The following PDE8B variants were observed in gnomAD, a reference collection of about 807,000 sequenced individuals.
PDE8B encodes the protein phosphodiesterase 8B.
A neutral mutation model predicts 101.3 loss-of-function variants in PDE8B; 26 were observed. That is an observed-to-expected ratio of 0.26 (90% CI 0.19 to 0.36). The LOEUF (loss-of-function observed/expected upper bound fraction) is 0.36, where lower values mean the gene tolerates loss of function less well. Among genes scored for constraint, PDE8B ranks in the 10% least tolerant of loss-of-function variants. PDE8B has a pLI of 1.00. For missense variants in PDE8B, 810 were observed against 1,163.1 expected, an observed-to-expected ratio of 0.70 and a Z score of 4.42; for synonymous variants, 424 against 429.3, an observed-to-expected ratio of 0.99 and a Z score of 0.15.
intron 1 of PDE8B, among the ~76,000 whole-genome samples, chr5:77,222,386 G>C (rs1330318312): frequency 1.3e-5 from 2 of 152,186 alleles, no homozygotes; most frequent in Non-Finnish European, 2.9e-5. Flanking sequence ...CACTTTGGGA[G>C]GCTGAGGCGG....
chr5:77,178,788 G>A, the PDE8B span, among the ~76,000 whole-genome samples: 1 of 152,094 alleles, frequency 6.6e-6, no homozygotes, highest in Non-Finnish European at 1.5e-5. Context: ...GTTAGGGAAG[G>A]GTTCACTTTC....
At chr5:77,149,125 A>G in the PDE8B span, among the ~76,000 whole-genome samples, 2 of 152,186 alleles carry the variant, frequency 1.3e-5, no homozygotes, top group African/African-American at 4.8e-5. Flanking sequence ...AGAAAAGACT[A>G]TCCTTTCCCC....
intron 1 of PDE8B, among the ~76,000 whole-genome samples, chr5:77,294,255 A>G (rs1184271242): frequency 6.6e-6 from 1 of 152,220 alleles, no homozygotes; most frequent in Non-Finnish European, 1.5e-5. Flanking sequence ...CAAACCACTG[A>G]CCGTAACAAG....
intron 10 of PDE8B, among the ~76,000 whole-genome samples, chr5:77,367,802 T>A (rs368360732): frequency 1.4e-4 from 21 of 152,316 alleles, no homozygotes; most frequent in African/African-American, 5.1e-4. Flanking sequence ...GTGCTGAGAT[T>A]ACAGGCGTGA....
At chr5:77,373,952 C>A (rs986512682) in intron 10 of PDE8B, among the ~76,000 whole-genome samples, 1 of 152,120 alleles carries the variant, frequency 6.6e-6, no homozygotes, top group Admixed American at 6.5e-5. Flanking sequence ...CAGGTTCAAG[C>A]GATTCTCCTG....
chr5:77,195,176 T>C, the PDE8B span, among the ~76,000 whole-genome samples: 1 of 152,092 alleles, frequency 6.6e-6, no homozygotes, highest in African/African-American at 2.4e-5. Flanking sequence ...TACTATATAC[T>C]CCAGAGAAGA....
chr5:77,108,033 C>T, the PDE8B span, among the ~76,000 whole-genome samples: 1 of 152,068 alleles, frequency 6.6e-6, no homozygotes, highest in East Asian at 1.9e-4. Flanking sequence ...GTAGTTTGTG[C>T]CTCCAACTCC....
At chr5:77,264,945 T>C (rs971387844) in intron 1 of PDE8B, among the ~76,000 whole-genome samples, 2 of 152,212 alleles carry the variant, frequency 1.3e-5, no homozygotes, top group African/African-American at 4.8e-5. Flanking sequence ...GGACATTCTT[T>C]TTACATTGAA....
At chr5:77,415,842 A>G (rs163017) in intron 17 of PDE8B, among the ~76,000 whole-genome samples, 134,937 of 152,240 alleles carry the variant, frequency 0.89, 60,180 homozygotes, top group East Asian at 0.99. Flanking sequence ...TTAGTATCTG[A>G]GCATACATGA....
At chr5:77,312,178 A>C in intron 2 of PDE8B, 125 bp downstream of exon 2, 1 of 692,864 alleles carries the variant, frequency 1.4e-6, no homozygotes, top group Non-Finnish European at 2.5e-6. Context: ...GTCTCGGCTC[A>C]CTGCAACCTC....
chr5:77,416,955 T>A (rs1006890529), intron 17 of PDE8B, among the ~76,000 whole-genome samples: 3 of 152,126 alleles, frequency 2.0e-5, no homozygotes, highest in African/African-American at 7.2e-5. Flanking sequence ...TTGTTTGACT[T>A]CAGGAACGTC....
chr5:77,420,033 G>C (rs887487209), intron 19 of PDE8B, 146 bp downstream of exon 19: 1 of 910,244 alleles, frequency 1.1e-6, no homozygotes, highest in Non-Finnish European at 1.7e-6. Flanking sequence ...CTGGCCACTT[G>C]TTTTCCTTGG....
At chr5:77,089,120 GGAGTT>G in the PDE8B span, among the ~76,000 whole-genome samples, 9,229 of 152,142 alleles carry the variant, frequency 0.061, 819 homozygotes, top group African/African-American at 0.19. Context: ...TGGCACAGCA[GGAGTT>G]GAGTAAGGGG....
intron 1 of PDE8B, among the ~76,000 whole-genome samples, chr5:77,220,198 G>A (rs1025683291): frequency 6.6e-6 from 1 of 152,180 alleles, no homozygotes; most frequent in African/African-American, 2.4e-5. Flanking sequence ...CCCAGGGTGA[G>A]GTCTCTGACA....
At chr5:77,320,450 A>G (rs1316778006) in intron 2 of PDE8B, among the ~76,000 whole-genome samples, 1 of 152,170 alleles carries the variant, frequency 6.6e-6, no homozygotes, top group African/African-American at 2.4e-5. Flanking sequence ...ACAAGGGTAC[A>G]GTGAGATCGA....
At chr5:77,094,068 G>C in the PDE8B span, among the ~76,000 whole-genome samples, 1 of 151,874 alleles carries the variant, frequency 6.6e-6, no homozygotes, top group African/African-American at 2.4e-5. Flanking sequence ...GTGTCAGCTG[G>C]GCTATGTTAC....
chr5:77,421,025 T>C (rs1462143031), intron 19 of PDE8B, among the ~76,000 whole-genome samples: 2 of 152,200 alleles, frequency 1.3e-5, no homozygotes, highest in Non-Finnish European at 2.9e-5. Context: ...ATGGTGTCTT[T>C]AAAAGTGGAG....
chr5:77,318,950 C>G (rs1774426389), intron 2 of PDE8B, among the ~76,000 whole-genome samples: 1 of 152,210 alleles, frequency 6.6e-6, no homozygotes, highest in African/African-American at 2.4e-5. Context: ...TTGCCTTATT[C>G]AAGATGAGGA....
At chr5:77,254,525 A>G (rs1758714833) in intron 1 of PDE8B, among the ~76,000 whole-genome samples, 1 of 152,170 alleles carries the variant, frequency 6.6e-6, no homozygotes, top group South Asian at 2.1e-4. Flanking sequence ...CAAGTATGTA[A>G]TGACGCACTT....
Sources: allele counts gnomAD v4.1 joint callset (sites outside exome capture counted in the v4.1 genomes callset), GRCh38; gene constraint gnomAD v4.1.1; transcripts MANE v1.5; gene names NCBI Gene and HGNC (gene_info 2026-07-23, HGNC 2026-07-21).